The following ERC2 variants were observed in gnomAD, a reference collection of about 807,000 sequenced individuals.
ERC2 encodes ELKS/RAB6-interacting/CAST family member 2.
Under a neutral mutation model 114.8 loss-of-function variants are expected in ERC2, and 42 were observed. The observed-to-expected ratio is 0.37, with a 90% CI of 0.29 to 0.47. The LOEUF (loss-of-function observed/expected upper bound fraction) is 0.47. Among genes scored for constraint, ERC2 ranks in the 20% least tolerant of loss-of-function variants. The pLI is 0.99. For missense variants in ERC2, 939 were observed against 1,150.7 expected (o/e 0.82, Z 2.66); for synonymous variants, 454 against 425.5 (o/e 1.07, Z -0.82).
intron 7 of ERC2, among the ~76,000 whole-genome samples, chr3:56,047,294 C>T (rs2075525172): frequency 6.6e-6 from 1 of 152,198 alleles, no homozygotes; most frequent in South Asian, 2.1e-4. Context: ...TCCTCTGGTC[C>T]TTTAATACCA....
rs189667766 is a variant in ERC2, at chr3:56,285,289, C to T, written c.1074+10730G>A. On this transcript the variant is annotated intron_variant, in intron 3 of 17. Coordinates refer to ENST00000288221, the MANE Select transcript of ERC2 (RefSeq NM_015576.3). ...AGCAGAACGGATGGGTCACTCTATACCAGCAGTTCACCACCATAATTATTT... is the reference window on the plus strand; with the variant it reads ...AGCAGAACGGATGGGTCACTCTATATCAGCAGTTCACCACCATAATTATTT... Among the ~76,000 whole-genome samples, 20 of 151,968 alleles carry T rather than the reference C, an allele frequency of 1.3e-4. No homozygotes were observed. The East Asian group carries it at 3.7e-3, about 28-fold the overall frequency.
At chr3:55,855,107 A>T (rs1338879874) in intron 14 of ERC2, among the ~76,000 whole-genome samples, 1 of 152,204 alleles carries the variant, frequency 6.6e-6, no homozygotes, top group Non-Finnish European at 1.5e-5. Flanking sequence ...CAATTCCACT[A>T]AGGAAACACT....
intron 13 of ERC2, among the ~76,000 whole-genome samples, chr3:55,919,811 G>A (rs367622488): frequency 2.2e-4 from 33 of 152,288 alleles, no homozygotes; most frequent in African/African-American, 7.5e-4. Context: ...GTGGCTATCA[G>A]GGGAAGGGCA....
chr3:56,070,896 C>T (rs934553295), intron 7 of ERC2, among the ~76,000 whole-genome samples: 1 of 152,144 alleles, frequency 6.6e-6, no homozygotes, highest in Admixed American at 6.6e-5. Context: ...ATGCTATTCT[C>T]GCTTTGACTG....
At chr3:55,589,661 G>T (rs141807912) in intron 17 of ERC2, among the ~76,000 whole-genome samples, 55 of 152,228 alleles carry the variant, frequency 3.6e-4, no homozygotes, top group Admixed American at 7.2e-4. Context: ...AGGAAAAGCA[G>T]AACTCGTGGA....
intron 17 of ERC2, among the ~76,000 whole-genome samples, chr3:55,520,572 C>A (rs1230426789): frequency 6.6e-6 from 1 of 152,112 alleles, no homozygotes; most frequent in African/African-American, 2.4e-5. Flanking sequence ...AAGTTCGTAC[C>A]ATTTTAGAGG....
chr3:55,560,291 T>C (rs2055916921), intron 17 of ERC2, among the ~76,000 whole-genome samples: 1 of 152,258 alleles, frequency 6.6e-6, no homozygotes, highest in South Asian at 2.1e-4. Flanking sequence ...TGCTGAACTT[T>C]GCCCCTAGTA....
intron 2 of ERC2, among the ~76,000 whole-genome samples, chr3:56,317,133 T>C (rs554305152): frequency 8.7e-4 from 132 of 152,240 alleles, no homozygotes; most frequent in African/African-American, 3.1e-3. Flanking sequence ...AAAGGGAATG[T>C]GTACAAAGTG....
At chr3:55,629,290 C>A (rs1415225547) in intron 17 of ERC2, among the ~76,000 whole-genome samples, 1 of 152,208 alleles carries the variant, frequency 6.6e-6, no homozygotes, top group Admixed American at 6.5e-5. Flanking sequence ...GAAGCCAGTA[C>A]ACGATGAACT....
intron 17 of ERC2, among the ~76,000 whole-genome samples, chr3:55,527,971 C>T (rs1289764188): frequency 6.6e-6 from 1 of 152,106 alleles, no homozygotes; most frequent in African/African-American, 2.4e-5. Flanking sequence ...TGTCCTGAGC[C>T]TCAGTTTCCT....
intron 2 of ERC2, among the ~76,000 whole-genome samples, chr3:56,339,844 T>A (rs1175299157): frequency 6.6e-6 from 1 of 152,126 alleles, no homozygotes; most frequent in Non-Finnish European, 1.5e-5. Flanking sequence ...GAAAGCTGGA[T>A]CTAATCCTGC....
intron 17 of ERC2, among the ~76,000 whole-genome samples, chr3:55,655,038 G>A (rs919455397): frequency 1.3e-5 from 2 of 152,192 alleles, no homozygotes; most frequent in African/African-American, 4.8e-5. Context: ...AGGAGTGTGA[G>A]GGTATTGATG....
At chr3:56,385,326 G>C (rs1345442888) in intron 2 of ERC2, among the ~76,000 whole-genome samples, 1 of 152,028 alleles carries the variant, frequency 6.6e-6, no homozygotes, top group Non-Finnish European at 1.5e-5. Context: ...CTCTTCTATA[G>C]GGGCACTAAT....
chr3:56,064,462 A>G (rs2076379159), intron 7 of ERC2, among the ~76,000 whole-genome samples: 1 of 152,206 alleles, frequency 6.6e-6, no homozygotes, highest in African/African-American at 2.4e-5. Flanking sequence ...TAAAGAAAGA[A>G]ATATCTCCAC....
intron 14 of ERC2, among the ~76,000 whole-genome samples, chr3:55,879,769 T>C (rs1446913635): frequency 6.6e-6 from 1 of 152,220 alleles, no homozygotes; most frequent in Non-Finnish European, 1.5e-5. Context: ...ATCCATTCTT[T>C]CCTTTCCTTC....
chr3:56,040,709 G>T (rs142149172), intron 7 of ERC2, among the ~76,000 whole-genome samples: 1,750 of 106,652 alleles, frequency 0.016, 8 homozygotes, highest in African/African-American at 0.03. Flanking sequence ...GAGATATATA[G>T]AGAGAGATAC....
intron 12 of ERC2, among the ~76,000 whole-genome samples, chr3:55,964,191 A>G (rs2068583456): frequency 6.6e-6 from 1 of 152,232 alleles, no homozygotes; most frequent in Non-Finnish European, 1.5e-5. Flanking sequence ...AAATGAAACA[A>G]CATCCTTACA....
chr3:55,653,178 A>C (rs890060882), intron 17 of ERC2, among the ~76,000 whole-genome samples: 7 of 149,256 alleles, frequency 4.7e-5, no homozygotes, highest in African/African-American at 1.2e-4. Context: ...CAGACAGCCC[A>C]ATATCTCTCT....
chr3:55,883,568 AC>A (rs2063213959), intron 14 of ERC2, among the ~76,000 whole-genome samples: 1 of 149,658 alleles, frequency 6.7e-6, no homozygotes, highest in Non-Finnish European at 1.5e-5. Flanking sequence ...ACACACACAC[AC>A]AAGTGCATGT....
Sources: allele counts gnomAD v4.1 joint callset (sites outside exome capture counted in the v4.1 genomes callset), GRCh38; gene constraint gnomAD v4.1.1; transcripts MANE v1.5; gene names NCBI Gene and HGNC (gene_info 2026-07-23, HGNC 2026-07-21).